DENND1A: variants seen among roughly 807,000 people sequenced by gnomAD.
The protein encoded by DENND1A is DENN domain-containing protein 1A.
A neutral mutation model predicts 113.7 loss-of-function variants in DENND1A; 51 were observed. That is an observed-to-expected ratio of 0.45 (90% CI 0.36 to 0.57). The LOEUF is 0.57. Among genes scored for constraint, DENND1A ranks in the 20% least tolerant of loss-of-function variants. DENND1A has a pLI of 0.00. For missense variants in DENND1A, 1,258 were observed against 1,395.9 expected, an observed-to-expected ratio of 0.90 and a Z score of 1.57; for synonymous variants, 565 against 570.8, an observed-to-expected ratio of 0.99 and a Z score of 0.14.
At chr9:123,811,531 G>A (rs557305875) in intron 2 of DENND1A, among the ~76,000 whole-genome samples, 11 of 152,222 alleles carry the variant, frequency 7.2e-5, no homozygotes, top group South Asian at 2.1e-4. Context: ...AGGCTGAGGC[G>A]GGCAGATCAC....
chr9:123,427,833 A>G (rs922807128), intron 19 of DENND1A, among the ~76,000 whole-genome samples: 3 of 152,222 alleles, frequency 2.0e-5, no homozygotes, highest in Non-Finnish European at 4.4e-5. Context: ...GCATATAATC[A>G]GTCAGTCCAG....
At chr9:123,658,573 T>C (rs2063081084) in intron 8 of DENND1A, among the ~76,000 whole-genome samples, 1 of 152,222 alleles carries the variant, frequency 6.6e-6, no homozygotes, top group African/African-American at 2.4e-5. Context: ...TTAACTTCAA[T>C]GGGGATCTGA....
Position 123,870,152 on chromosome 9 carries a change from A to G in DENND1A, c.88+8799T>C, listed in dbSNP as rs112328212. 3.4e-3 allele frequency among the ~76,000 whole-genome samples: 518 copies of G among 152,270 alleles called. 4 individuals are homozygous for G. The highest frequency in any genetic ancestry group is 0.011 in the African/African-American group (447 of 41,558). The stretch of plus-strand genomic sequence containing the variant: ...ACAGACAAATATAAGAATCCCTTGT[A>G]TAGTTCATGAATAAAACCACATATC... On this transcript the variant is annotated intron_variant, in intron 2 of 23. Transcript: ENST00000394215.
chr9:123,599,324 G>A (rs1564793385), intron 11 of DENND1A, among the ~76,000 whole-genome samples: 1 of 152,180 alleles, frequency 6.6e-6, no homozygotes, highest in African/African-American at 2.4e-5. Context: ...CTCTCTGGAT[G>A]TTTAACTTTA....
intron 2 of DENND1A, among the ~76,000 whole-genome samples, chr9:123,794,015 G>A (rs746933420): frequency 1.3e-5 from 2 of 152,198 alleles, no homozygotes; most frequent in African/African-American, 2.4e-5. Context: ...TGCCTAGACC[G>A]ACTAGAGAAC....
At chr9:123,672,829 TTC>T (rs2063832206) in intron 6 of DENND1A, among the ~76,000 whole-genome samples, 1 of 152,234 alleles carries the variant, frequency 6.6e-6, no homozygotes, top group Non-Finnish European at 1.5e-5. Flanking sequence ...GTCTGTGGTA[TTC>T]TGTTATAGCA....
At chr9:123,601,062 C>G (rs1030570581) in intron 11 of DENND1A, among the ~76,000 whole-genome samples, 2 of 152,164 alleles carry the variant, frequency 1.3e-5, no homozygotes, top group African/African-American at 4.8e-5. Flanking sequence ...TTGCTAAATG[C>G]AACCTATATA....
chr9:123,495,640 G>A (rs867789026), intron 13 of DENND1A, among the ~76,000 whole-genome samples: 1 of 152,160 alleles, frequency 6.6e-6, no homozygotes, highest in Non-Finnish European at 1.5e-5. Context: ...AATTCCTTTA[G>A]AAGGACCGTA....
chr9:123,473,638 T>C (rs908135101), intron 13 of DENND1A, among the ~76,000 whole-genome samples: 17 of 152,170 alleles, frequency 1.1e-4, no homozygotes, highest in Admixed American at 7.9e-4. Context: ...CCGTTCCTCT[T>C]GTGTAGGAAG....
chr9:123,726,102 C>T (rs1230362758), intron 5 of DENND1A, among the ~76,000 whole-genome samples: 1 of 152,120 alleles, frequency 6.6e-6, no homozygotes, highest in African/African-American at 2.4e-5. Flanking sequence ...ATTAATGGGA[C>T]CTGACTCACA....
intron 2 of DENND1A, among the ~76,000 whole-genome samples, chr9:123,839,376 T>C (rs547185163): frequency 6.6e-6 from 1 of 152,290 alleles, no homozygotes; most frequent in African/African-American, 2.4e-5. Context: ...ATTCCACCCC[T>C]TGTATTCAAA....
At chr9:123,804,834 C>T (rs1283569417) in intron 2 of DENND1A, among the ~76,000 whole-genome samples, 1 of 152,196 alleles carries the variant, frequency 6.6e-6, no homozygotes, top group Non-Finnish European at 1.5e-5. Context: ...CTACCAATAG[C>T]TTCCTAACAG....
chr9:123,780,186 C>A (rs1055328166), intron 3 of DENND1A, among the ~76,000 whole-genome samples: 1 of 152,280 alleles, frequency 6.6e-6, no homozygotes, highest in East Asian at 1.9e-4. Flanking sequence ...CCGTCCACCC[C>A]ACATGTTCCG....
intron 12 of DENND1A, among the ~76,000 whole-genome samples, chr9:123,570,359 G>A (rs565000343): frequency 1.3e-5 from 2 of 152,348 alleles, no homozygotes; most frequent in African/African-American, 4.8e-5. Context: ...GGCAAGAGAT[G>A]AGGTAGGAGA....
chr9:123,552,055 G>T (rs1015037038), intron 13 of DENND1A, among the ~76,000 whole-genome samples: 1 of 151,920 alleles, frequency 6.6e-6, no homozygotes, highest in Non-Finnish European at 1.5e-5. Flanking sequence ...GAGAGAGAGA[G>T]AGAGAGAGAG....
At chr9:123,785,517 T>C (rs945218621) in intron 3 of DENND1A, among the ~76,000 whole-genome samples, 14 of 152,098 alleles carry the variant, frequency 9.2e-5, no homozygotes, top group African/African-American at 3.1e-4. Flanking sequence ...TATGAACCTA[T>C]ACTTAGAAAA....
intron 13 of DENND1A, among the ~76,000 whole-genome samples, chr9:123,532,637 A>G (rs1300337769): frequency 1.3e-5 from 2 of 152,236 alleles, no homozygotes; most frequent in Non-Finnish European, 2.9e-5. Flanking sequence ...ACCCCTTTGA[A>G]AAATCAAGTG....
At chr9:123,725,780 G>C (rs17288605) in intron 5 of DENND1A, among the ~76,000 whole-genome samples, 7,310 of 152,304 alleles carry the variant, frequency 0.048, 192 homozygotes, top group Non-Finnish European at 0.061. Flanking sequence ...GTGCTTTCGG[G>C]CTGTGACCGA....
intron 6 of DENND1A, among the ~76,000 whole-genome samples, chr9:123,674,342 T>C (rs113911272): frequency 7.6e-6 from 1 of 132,300 alleles, no homozygotes; most frequent in South Asian, 2.5e-4. Flanking sequence ...TGTCTCTCTC[T>C]CACACACACA....
Sources: gnomAD v4.1 joint callset for allele counts (sites outside exome capture counted in the v4.1 genomes callset) on GRCh38, gnomAD v4.1.1 for gene constraint, MANE v1.5 for transcripts, NCBI Gene and HGNC (gene_info 2026-07-23, HGNC 2026-07-21) for gene names.